Variants in PADI2 observed in about 807,000 individuals in gnomAD.
PADI2 encodes the protein protein-arginine deiminase type-2.
PADI2 carries 70 observed loss-of-function variants against 81.1 expected under a neutral mutation model. The ratio of observed to expected loss-of-function variants is 0.86; its 90% CI spans 0.71 to 1.05. PADI2 has a LOEUF of 1.05. Among genes scored for constraint, PADI2 ranks in the 50% least tolerant of loss-of-function variants. PADI2 has a pLI of 0.00. For synonymous variants in PADI2, 338 were observed against 358.0 expected (o/e 0.94, Z 0.63); for missense variants, 853 against 889.9 (o/e 0.96, Z 0.53).
chr1:17,089,962 C>T (rs938882791), intron 6 of PADI2, among the ~76,000 whole-genome samples: 6 of 152,286 alleles, frequency 3.9e-5, no homozygotes, highest in Middle Eastern at 3.4e-3. Flanking sequence ...TTCCCTAGGA[C>T]TGAGGGGTTT....
At chr1:17,089,707 C>T (rs1570989743) in intron 6 of PADI2, among the ~76,000 whole-genome samples, 2 of 152,184 alleles carry the variant, frequency 1.3e-5, no homozygotes, top group East Asian at 3.9e-4. Context: ...CAGGAGCCTC[C>T]TTACCCCGTC....
In PADI2 at chr1:17,069,292, T is replaced by G. The variant is rs769082031; in HGVS notation, c.1765-15A>C. 15 of 1,601,932 alleles carry G rather than the reference T, an allele frequency of 9.4e-6. No homozygotes were observed. The highest frequency in any genetic ancestry group is 1.3e-5 in the Non-Finnish European group (15 of 1,168,936). ...ATCATGTTCACCTGTGACGGGGGAT[T>G]GCGATGGCAACAGCTTCCATTTAGT... On this transcript the variant is annotated splice_polypyrimidine_tract_variant and intron_variant, in intron 15 of 15. Transcript: ENST00000375486.
chr1:17,104,763 G>A, intron 2 of PADI2, 115 bp downstream of exon 2: 2 of 929,108 alleles, frequency 2.2e-6, no homozygotes, highest in Non-Finnish European at 3.1e-6. Context: ...GGTTACTGCA[G>A]AACTGAAAAT....
chr1:17,069,034 C>T lies in PADI2; in HGVS notation c.*10G>A. Reference sequence around the variant, plus strand: ...AAGCGAAGGAGGCAAACGCCAGGGCCCCTGGCAGGTCAGGGCACCATGTGC... The same window carrying T: ...AAGCGAAGGAGGCAAACGCCAGGGCTCCTGGCAGGTCAGGGCACCATGTGC... On this transcript the variant is annotated 3_prime_UTR_variant, in exon 16 of 16. Transcript: ENST00000375486. The T allele has an allele frequency of 1.2e-6, 2 of 1,603,490 alleles. No individual in the cohort carries two copies. The highest frequency in any genetic ancestry group is 1.7e-6 in the Non-Finnish European group (2 of 1,170,256).
intron 6 of PADI2, among the ~76,000 whole-genome samples, chr1:17,090,581 T>TTGTGTGTGTGTGTG (rs3036949): frequency 0.032 from 4,511 of 142,774 alleles, 116 homozygotes; most frequent in Middle Eastern, 0.061. Context: ...CGTCCTTTGC[T>TTGTGTGTGTGTGTG]TGTGTGTGTG....
chr1:17,110,068 T>G (rs941310391), intron 1 of PADI2, among the ~76,000 whole-genome samples: 3 of 152,104 alleles, frequency 2.0e-5, no homozygotes, highest in African/African-American at 7.2e-5. Flanking sequence ...CAGCTATTCT[T>G]GGAGTGGCCC....
intron 10 of PADI2, among the ~76,000 whole-genome samples, chr1:17,080,690 G>A (rs1168873539): frequency 1.3e-5 from 2 of 152,210 alleles, no homozygotes; most frequent in African/African-American, 4.8e-5. Context: ...TTCACACAGA[G>A]CTCCAAAAAA....
rs1394938581 is a variant in PADI2, at chr1:17,068,427, T to TA, written c.*616dup. 6.5e-6 allele frequency: 1 copy of TA among 153,244 alleles called. No homozygotes were observed. Among genetic ancestry groups the TA allele is most frequent in the East Asian group, 1.9e-4 (1 of 5,198 alleles). The allele number at this position is 153,244 out of a possible 1,614,324, so 9.5% of individuals were successfully genotyped here. A position where few individuals can be genotyped will look rare whatever the true frequency, so the allele number is the denominator to read the frequency against. ...AGATGAAATGTTTCCAGGAAGGTTC[T>TA]AAGCTAACTTACTGGACCCTCAGGG... On this transcript the variant is annotated 3_prime_UTR_variant, in exon 16 of 16. Transcript: ENST00000375486.
At chr1:17,071,701 G>A (rs533472758) in intron 13 of PADI2, among the ~76,000 whole-genome samples, 12 of 152,322 alleles carry the variant, frequency 7.9e-5, no homozygotes, top group Non-Finnish European at 1.2e-4. Context: ...TTTCTCCAGA[G>A]TTGACCATGA....
Position 17,119,264 on chromosome 1 carries a change from C to T in PADI2, c.92+16G>A, listed in dbSNP as rs1438679086. On this transcript the variant is annotated intron_variant, in intron 1 of 15. Coordinates refer to ENST00000375486, the MANE Select transcript of PADI2 (RefSeq NM_007365.3). This position sits in a 1 kb window ranked among gnomAD's most constrained non-coding sequence, Gnocchi z 4.8. ...GCTCGAGATCTCGGCCCGGGCATCA[C>T]GGTGGGCCGGCTCACCTGTAGACAT... 3 of 1,501,814 alleles carry T rather than the reference C, an allele frequency of 2.0e-6. No homozygotes were observed. Among genetic ancestry groups the T allele is most frequent in the Non-Finnish European group, 2.7e-6 (3 of 1,118,410 alleles). 93.0% of individuals were successfully genotyped at this position (1,501,814 alleles called of 1,614,324 possible).
At chr1:17,083,912 G>T in intron 8 of PADI2, 75 bp from the exon 9 acceptor site, 1 of 877,578 alleles carries the variant, frequency 1.1e-6, no homozygotes, top group Non-Finnish European at 1.9e-6. Context: ...CTGAGATGGT[G>T]ACAGCAGCTG....
At chr1:17,109,915 T>C (rs1253278172) in intron 1 of PADI2, among the ~76,000 whole-genome samples, 1 of 152,242 alleles carries the variant, frequency 6.6e-6, no homozygotes, top group African/African-American at 2.4e-5. Flanking sequence ...TGATGCTTCC[T>C]GCCCACCTTC....
At chr1:17,091,056 C>T (rs1026845621) in intron 6 of PADI2, among the ~76,000 whole-genome samples, 4 of 151,858 alleles carry the variant, frequency 2.6e-5, no homozygotes, top group Admixed American at 6.6e-5. Flanking sequence ...CCTGCGGCAG[C>T]GGAGCCAGCC....
intron 10 of PADI2, among the ~76,000 whole-genome samples, chr1:17,079,757 C>T (rs552294253): frequency 1.3e-5 from 2 of 151,288 alleles, no homozygotes; most frequent in Admixed American, 6.6e-5. Flanking sequence ...AGAATTAGTC[C>T]GCATTTTATG....
At chr1:17,079,678 G>T (rs1307302251) in intron 10 of PADI2, among the ~76,000 whole-genome samples, 3 of 152,074 alleles carry the variant, frequency 2.0e-5, no homozygotes, top group African/African-American at 7.2e-5. Flanking sequence ...GTGTGAATGT[G>T]AGTGTGTGGG....
chr1:17,068,409 A>G lies in PADI2; in HGVS notation c.*635T>C, dbSNP rs1220318865. Reference sequence around the variant, plus strand: ...ACGTGGGGAAACCTGCTCAGATGAAATGTTTCCAGGAAGGTTCTAAGCTAA... The same window carrying G: ...ACGTGGGGAAACCTGCTCAGATGAAGTGTTTCCAGGAAGGTTCTAAGCTAA... On this transcript the variant is annotated 3_prime_UTR_variant, in exon 16 of 16. Transcript: ENST00000375486. 2.0e-5 allele frequency: 3 copies of G among 152,808 alleles called. No homozygotes were observed. Among genetic ancestry groups the G allele is most frequent in the Non-Finnish European group, 4.4e-5 (3 of 68,490 alleles). 9.5% of individuals were successfully genotyped at this position (152,808 alleles called of 1,614,324 possible).
At chr1:17,099,787 A>G (rs1435387551) in intron 3 of PADI2, among the ~76,000 whole-genome samples, 1 of 152,138 alleles carries the variant, frequency 6.6e-6, no homozygotes, top group Non-Finnish European at 1.5e-5. Flanking sequence ...ACAACATCCC[A>G]CTGAATCCTT....
At chr1:17,077,494 T>C (rs1980510) in intron 11 of PADI2, among the ~76,000 whole-genome samples, 96,258 of 151,986 alleles carry the variant, frequency 0.63, 30,737 homozygotes, top group Middle Eastern at 0.7. Context: ...GACTCCCTGT[T>C]ATTCTTTCTA....
chr1:17,069,949 C>T, intron 15 of PADI2, 139 bp downstream of exon 15: 1 of 928,128 alleles, frequency 1.1e-6, no homozygotes, highest in African/African-American at 1.7e-5. Flanking sequence ...AGGGCAAGTG[C>T]CTGAGGTGAG....
Sources: gnomAD v4.1 joint callset for allele counts (sites outside exome capture counted in the v4.1 genomes callset) on GRCh38, gnomAD v4.1.1 for gene constraint, Gnocchi (gnomAD v3.1) non-coding constraint, MANE v1.5 for transcripts, NCBI Gene and HGNC (gene_info 2026-07-23, HGNC 2026-07-21) for gene names.